Variants in TMPRSS11A observed in about 807,000 individuals in gnomAD.
TMPRSS11A encodes transmembrane protease serine 11A.
In TMPRSS11A, 53 loss-of-function variants were observed where a neutral mutation model predicts 58.9. The ratio of observed to expected loss-of-function variants is 0.90; its 90% CI spans 0.72 to 1.13. The LOEUF (loss-of-function observed/expected upper bound fraction) is 1.13. Ranked by LOEUF, TMPRSS11A falls within the 50% of genes most tolerant of loss-of-function variation. TMPRSS11A has a pLI of 0.00. For synonymous variants in TMPRSS11A, 167 were observed against 169.8 expected, an observed-to-expected ratio of 0.98 and a Z score of 0.13; for missense variants, 493 against 499.3, an observed-to-expected ratio of 0.99 and a Z score of 0.12.
At chr4:67,913,380 A>G (rs1036104323) in intron 9 of TMPRSS11A, among the ~76,000 whole-genome samples, 4 of 152,284 alleles carry the variant, frequency 2.6e-5, no homozygotes, top group Middle Eastern at 3.4e-3. Context: ...CCCAATTACA[A>G]TCACTGTATT....
intron 3 of TMPRSS11A, among the ~76,000 whole-genome samples, chr4:67,938,971 G>A (rs559950728): frequency 6.6e-6 from 1 of 151,864 alleles, no homozygotes; most frequent in East Asian, 1.9e-4. Flanking sequence ...TAGTTTGATA[G>A]GAATAGCATT....
At chr4:67,925,928 A>C (rs1338620656) in intron 5 of TMPRSS11A, among the ~76,000 whole-genome samples, 1 of 152,248 alleles carries the variant, frequency 6.6e-6, no homozygotes, top group African/African-American at 2.4e-5. Flanking sequence ...ACAAGTAACT[A>C]GTTGTTAAAG....
Position 67,919,231 on chromosome 4 carries a change from A to T in TMPRSS11A, c.694T>A (p.Tyr232Asn). Residue 232 changes from tyrosine (Y) to asparagine (N), a missense_variant and splice_region_variant, in exon 8 of 10, where the codon TAT (tyrosine) becomes AAT (asparagine). Tyr to Asn is a moderately radical substitution (Grantham distance 143). Transcript: ENST00000508048. The stretch of plus-strand genomic sequence containing the variant: ...ACAGTCCATTGATGTGGATTTTTAT[A>T]CCTGGAAAAGGTTAGAAATTAACAG... ...LVTAAHCFQKYKNPHQWTVSF... is the reference protein window; with the variant it reads ...LVTAAHCFQKNKNPHQWTVSF... 6.2e-7 allele frequency: 1 copy of T among 1,613,500 alleles called. No homozygotes were observed. Among genetic ancestry groups the T allele is most frequent in the Non-Finnish European group, 8.5e-7 (1 of 1,179,600 alleles).
chr4:67,920,527 TTATA>T (rs1180319358), intron 7 of TMPRSS11A, among the ~76,000 whole-genome samples: 118 of 132,728 alleles, frequency 8.9e-4, no homozygotes, highest in African/African-American at 3.0e-3. Context: ...AATGAGGTAA[TTATA>T]TATATATATA....
rs191297334 is a variant in TMPRSS11A at position 67,956,383 on chromosome 4, C to G, written c.11+7000G>C. 3.3e-5 allele frequency among the ~76,000 whole-genome samples: 5 copies of G among 152,228 alleles called. No individual in the cohort carries two copies. In the East Asian group the frequency reaches 9.7e-4, roughly 29 times the overall value. On this transcript the variant is annotated intron_variant, in intron 1 of 9. Transcript: ENST00000508048. ...TCACCTTGATAATGATGTAAAAAAG[C>G]CTTTAATAGTGTATATTCAGATCTT...
At chr4:67,932,786 G>C (rs1720662040) in intron 3 of TMPRSS11A, among the ~76,000 whole-genome samples, 1 of 151,888 alleles carries the variant, frequency 6.6e-6, no homozygotes, top group African/African-American at 2.4e-5. Flanking sequence ...GGTAAATCAG[G>C]GAGGAAAAAA....
At chr4:67,934,486 A>G (rs1458348819) in intron 3 of TMPRSS11A, among the ~76,000 whole-genome samples, 1 of 152,198 alleles carries the variant, frequency 6.6e-6, no homozygotes, top group Non-Finnish European at 1.5e-5. Flanking sequence ...AGGTTGTTAT[A>G]AATCTATTGT....
chr4:67,924,726 A>T (rs76068672), intron 5 of TMPRSS11A, among the ~76,000 whole-genome samples: 7,974 of 152,268 alleles, frequency 0.052, 240 homozygotes, highest in Middle Eastern at 0.075. Flanking sequence ...GCCTCTTATA[A>T]AACCATCAGA....
rs777096477 is a variant in TMPRSS11A at position 67,919,107 on chromosome 4, A to G, written c.818T>C (p.Ile273Thr). ...TCTGGAAGAGACCTGCACAACAGCA[A>G]TGTCGTACTCTCTTGCTGCAGAGCG... ...KYRSAAREYD[I>T]AVVQVSSRVT... Residue 273 changes from isoleucine to threonine, a missense_variant, in exon 8 of 10, where the codon ATT (isoleucine) becomes ACT (threonine). Ile to Thr is a moderately conservative substitution (Grantham distance 89). Transcript: ENST00000508048. 1.9e-6 allele frequency: 3 copies of G among 1,614,186 alleles called. No individual in the cohort carries two copies. The East Asian group carries it at 6.7e-5, about 36-fold the overall frequency.
At chr4:67,911,796 C>T (rs1190494627) in intron 9 of TMPRSS11A, among the ~76,000 whole-genome samples, 2 of 152,128 alleles carry the variant, frequency 1.3e-5, no homozygotes, top group South Asian at 2.1e-4. Context: ...TGTTACCTCA[C>T]GCAAGCTGTT....
chr4:67,919,229 A>C lies in TMPRSS11A; in HGVS notation c.696T>G (p.Tyr232Ter). The C allele has an allele frequency of 6.2e-7, 1 of 1,613,620 alleles. No individual in the cohort carries two copies. ...LVTAAHCFQK[Y>*]KNPHQWTVSF... ...TAACAGTCCATTGATGTGGATTTTTATACCTGGAAAAGGTTAGAAATTAAC... is the reference window on the plus strand; with the variant it reads ...TAACAGTCCATTGATGTGGATTTTTCTACCTGGAAAAGGTTAGAAATTAAC... The change falls in exon 8 of 10, where the codon TAT (tyrosine) becomes TAG (stop). Residue 232 changes from tyrosine to a stop codon, truncating the protein, a stop_gained. Coordinates refer to ENST00000508048, the MANE Select transcript of TMPRSS11A (RefSeq NM_001114387.2). LOFTEE classifies it high-confidence loss of function.
intron 5 of TMPRSS11A, among the ~76,000 whole-genome samples, chr4:67,928,133 C>G (rs539927988): frequency 1.9e-4 from 29 of 152,306 alleles, no homozygotes; most frequent in Middle Eastern, 3.4e-3. Context: ...CAACCTCCGC[C>G]TCCCGGGTTC....
In TMPRSS11A at chr4:67,922,829, A is replaced by G. The variant is rs375167608; in HGVS notation, c.618T>C (p.Tyr206=). ...AAWPWQASLQ[Y]DNIHQCGATL... The stretch of plus-strand genomic sequence containing the variant: ...TGGCCCCACACTGATGGATGTTATC[A>G]TACTGAAGGGAAGCTTGCCAAGGCC... The change falls in exon 7 of 10, where the codon TAT becomes TAC. Residue 206 remains tyrosine, a synonymous_variant. Coordinates refer to ENST00000508048, the MANE Select transcript of TMPRSS11A (RefSeq NM_001114387.2). 3.3e-5 allele frequency: 54 copies of G among 1,614,076 alleles called. 1 individual carries two copies. In the Middle Eastern group the frequency reaches 2.0e-3, roughly 59 times the overall value.
intron 4 of TMPRSS11A, among the ~76,000 whole-genome samples, 196 bp downstream of exon 4, chr4:67,931,797 C>G (rs1720630465): frequency 6.6e-6 from 1 of 152,056 alleles, no homozygotes; most frequent in Admixed American, 6.6e-5. Context: ...TATTTCTTAC[C>G]CTTCCTGAAT....
chr4:67,919,112 G>A lies in TMPRSS11A; in HGVS notation c.813C>T (p.Tyr271=), dbSNP rs575446123. The change falls in exon 8 of 10, where the codon TAC becomes TAT. Residue 271 remains tyrosine, a synonymous_variant. Transcript: ENST00000508048. ...HEKYRSAARE[Y]DIAVVQVSSR... ...AAGAGACCTGCACAACAGCAATGTC[G>A]TACTCTCTTGCTGCAGAGCGGTACT... is the stretch of plus-strand genomic sequence containing the variant. 24 of 1,614,184 alleles carry A rather than the reference G, an allele frequency of 1.5e-5. No homozygotes were observed. The highest frequency in any genetic ancestry group is 3.3e-4 in the Middle Eastern group (2 of 6,062).
intron 1 of TMPRSS11A, among the ~76,000 whole-genome samples, chr4:67,949,358 A>G (rs971674777): frequency 6.6e-6 from 1 of 152,196 alleles, no homozygotes; most frequent in African/African-American, 2.4e-5. Flanking sequence ...CATCTGAGGG[A>G]AAATGGTGGC....
At chr4:67,942,973 T>C (rs772589288) in intron 3 of TMPRSS11A, among the ~76,000 whole-genome samples, 1 of 152,122 alleles carries the variant, frequency 6.6e-6, no homozygotes, top group Non-Finnish European at 1.5e-5. Context: ...TAGCAAAACA[T>C]ATTTTTGTAA....
intron 1 of TMPRSS11A, among the ~76,000 whole-genome samples, chr4:67,961,517 T>C (rs1250754730): frequency 7.5e-4 from 32 of 42,666 alleles, no homozygotes; most frequent in South Asian, 2.5e-3. Context: ...TTTTTTTTTT[T>C]TTTTTTTTTT....
chr4:67,952,743 T>A (rs1018618467), intron 1 of TMPRSS11A, among the ~76,000 whole-genome samples: 1 of 152,246 alleles, frequency 6.6e-6, no homozygotes, highest in Admixed American at 6.5e-5. Flanking sequence ...ATTCTCTATA[T>A]GTTTTAATTC....
Sources: allele counts gnomAD v4.1 joint callset (sites outside exome capture counted in the v4.1 genomes callset), GRCh38; gene constraint gnomAD v4.1.1; transcripts MANE v1.5; gene names NCBI Gene and HGNC (gene_info 2026-07-23, HGNC 2026-07-21).